The following MAN1C1 variants were observed in gnomAD, a reference collection of about 807,000 sequenced individuals.
MAN1C1 encodes the protein mannosidase alpha class 1C member 1.
In MAN1C1, 49 loss-of-function variants were observed where a neutral mutation model predicts 71.5. The observed-to-expected ratio is 0.69, with a 90% CI of 0.54 to 0.87. The LOEUF is 0.87. MAN1C1 is among the 40% of genes least tolerant of loss of function. The probability of loss-of-function intolerance (pLI) is 0.00; values close to 1 mark genes in which losing one functional copy is unlikely to be tolerated. For synonymous variants in MAN1C1, 352 were observed against 343.7 expected (o/e 1.02, Z -0.27); for missense variants, 743 against 835.0 (o/e 0.89, Z 1.36).
chr1:25,767,170 C>G (rs1341655308), intron 7 of MAN1C1, among the ~76,000 whole-genome samples: 1 of 139,736 alleles, frequency 7.2e-6, no homozygotes, highest in African/African-American at 3.2e-5. Context: ...ACACACACCC[C>G]TACCACCCCA....
rs753683323 is a variant in MAN1C1, at chr1:25,617,805, T to C, written c.8T>C (p.Met3Thr). 2 of 1,598,992 alleles carry C rather than the reference T, an allele frequency of 1.3e-6. No individual in the cohort carries two copies. ...GCCACCGGCCGGGCCACGATGCTCA[T>C]GAGGAAAGTGCCCGGCTTCGTCCCG... Reference protein sequence around the residue: MLMRKVPGFVPAS... With the variant: MLTRKVPGFVPAS... Residue 3 changes from methionine (M) to threonine (T), a missense_variant, in exon 1 of 12, where the codon ATG becomes ACG. By Grantham distance (81) the Met-to-Thr change is moderately conservative (BLOSUM62 -1). Transcript: ENST00000374332. This position sits in a 1 kb window ranked among gnomAD's most constrained non-coding sequence, Gnocchi z 5.1.
intron 2 of MAN1C1, among the ~76,000 whole-genome samples, chr1:25,721,977 G>A (rs2046771790): frequency 6.6e-6 from 1 of 152,154 alleles, no homozygotes; most frequent in Admixed American, 6.5e-5. Context: ...GTGTGCATAG[G>A]GGAGGGGTAA....
chr1:25,713,244 G>A (rs2124253943), intron 2 of MAN1C1, among the ~76,000 whole-genome samples: 1 of 152,180 alleles, frequency 6.6e-6, no homozygotes, highest in South Asian at 2.1e-4. Context: ...ATGAGGTGGG[G>A]GTGGGGAACA....
chr1:25,742,029 G>A (rs2047069300), intron 2 of MAN1C1, among the ~76,000 whole-genome samples: 1 of 152,164 alleles, frequency 6.6e-6, no homozygotes, highest in Non-Finnish European at 1.5e-5. Context: ...CACAGTGCAG[G>A]GAGGTAGTGG....
intron 2 of MAN1C1, among the ~76,000 whole-genome samples, chr1:25,704,419 G>A (rs774970417): frequency 2.6e-5 from 4 of 152,342 alleles, no homozygotes; most frequent in Non-Finnish European, 5.9e-5. Context: ...ATCCCAGACA[G>A]CAGGACCATG....
intron 2 of MAN1C1, among the ~76,000 whole-genome samples, chr1:25,715,620 C>T (rs1266570606): frequency 6.6e-6 from 1 of 152,318 alleles, no homozygotes; most frequent in East Asian, 1.9e-4. Context: ...CATGGTCTTT[C>T]AGCTGACTAG....
intron 1 of MAN1C1, among the ~76,000 whole-genome samples, chr1:25,623,346 T>C (rs1045857912): frequency 3.9e-5 from 6 of 152,186 alleles, no homozygotes; most frequent in Non-Finnish European, 8.8e-5. Context: ...GAGCAATTGC[T>C]TCTTAGGCCC....
At chr1:25,687,271 CTT>C (rs2046245742) in intron 2 of MAN1C1, among the ~76,000 whole-genome samples, 1 of 152,194 alleles carries the variant, frequency 6.6e-6, no homozygotes, top group Admixed American at 6.5e-5. Context: ...TTGCTGGTGT[CTT>C]TGTCCTCCTC....
intron 1 of MAN1C1, among the ~76,000 whole-genome samples, chr1:25,673,692 G>A (rs1168441843): frequency 3.9e-5 from 6 of 152,144 alleles, no homozygotes; most frequent in African/African-American, 1.4e-4. Context: ...CTCCTCCCCA[G>A]GAGCACGTCA....
At chr1:25,717,833 G>A (rs548065058) in intron 2 of MAN1C1, among the ~76,000 whole-genome samples, 3 of 152,166 alleles carry the variant, frequency 2.0e-5, no homozygotes, top group African/African-American at 7.2e-5. Context: ...CAAAGTGCTG[G>A]GATTACAGGC....
At chr1:25,638,705 T>C (rs138486193) in intron 1 of MAN1C1, among the ~76,000 whole-genome samples, 2 of 152,274 alleles carry the variant, frequency 1.3e-5, no homozygotes, top group East Asian at 1.9e-4. Context: ...TGTCATTCCA[T>C]TGTCTTGTAG....
intron 7 of MAN1C1, among the ~76,000 whole-genome samples, chr1:25,766,167 C>A (rs1233103922): frequency 6.6e-6 from 1 of 152,178 alleles, no homozygotes; most frequent in Non-Finnish European, 1.5e-5. Flanking sequence ...AGAGTCAGGG[C>A]CTGCAGGTCT....
chr1:25,751,057 T>G (rs1241594010), intron 4 of MAN1C1, among the ~76,000 whole-genome samples: 1 of 151,240 alleles, frequency 6.6e-6, no homozygotes, highest in African/African-American at 2.4e-5. Flanking sequence ...CTTCTATCCA[T>G]CTTTCCACCC....
chr1:25,706,575 G>A (rs1253534167), intron 2 of MAN1C1, among the ~76,000 whole-genome samples: 1 of 152,216 alleles, frequency 6.6e-6, no homozygotes, highest in Non-Finnish European at 1.5e-5. Context: ...GCGCAGGGCA[G>A]CCTGGGAGTC....
chr1:25,731,323 A>AATC (rs1217837815), intron 2 of MAN1C1, among the ~76,000 whole-genome samples: 1 of 147,108 alleles, frequency 6.8e-6, no homozygotes, highest in Non-Finnish European at 1.5e-5. Context: ...AAATAACAAT[A>AATC]ATCATCATCA....
In MAN1C1 at chr1:25,784,358, G is replaced by C. The variant is rs1025341877; in HGVS notation, c.*569G>C. The C allele has an allele frequency of 1.3e-5, 2 of 151,992 alleles. No homozygotes were observed. The highest frequency in any genetic ancestry group is 4.8e-5 in the African/African-American group (2 of 41,340). 9.4% of individuals were successfully genotyped at this position (151,992 alleles called of 1,614,324 possible). ...TAATTTGAGGAGGGGTTTCCCTTTG[G>C]GCCTCAGTGTTACAAATTACTAGTG... On this transcript the variant is annotated 3_prime_UTR_variant, in exon 12 of 12. Transcript: ENST00000374332.
intron 1 of MAN1C1, among the ~76,000 whole-genome samples, chr1:25,629,156 T>G (rs2045343366): frequency 6.6e-6 from 1 of 152,232 alleles, no homozygotes; most frequent in Non-Finnish European, 1.5e-5. Context: ...TTATAGTTCT[T>G]AAAGGAATCT....
At chr1:25,720,748 AC>A (rs1407341560) in intron 2 of MAN1C1, among the ~76,000 whole-genome samples, 1 of 152,164 alleles carries the variant, frequency 6.6e-6, no homozygotes, top group Admixed American at 6.5e-5. Flanking sequence ...CCATTGCCTT[AC>A]CCAAGGTCAT....
At position 25,661,396 on chromosome 1, in the gene MAN1C1, A is replaced by T. The variant is rs907622640; in HGVS notation, c.541-25044A>T. On this transcript the variant is annotated intron_variant, in intron 1 of 11. Transcript: ENST00000374332. ...CAAAATACAAATTCTGTTCTAGTGG[A>T]GTTAGAGGAACAATAAGCAAAATAA... Among the ~76,000 whole-genome samples, 111 of 152,254 alleles carry T rather than the reference A, an allele frequency of 7.3e-4. 9 individuals carry two copies. Among genetic ancestry groups the T allele is most frequent in the Non-Finnish European group, 1.0e-4 (7 of 68,044 alleles).
Sources: gnomAD v4.1 joint callset for allele counts (sites outside exome capture counted in the v4.1 genomes callset) on GRCh38, gnomAD v4.1.1 for gene constraint, Gnocchi (gnomAD v3.1) non-coding constraint, MANE v1.5 for transcripts, NCBI Gene and HGNC (gene_info 2026-07-23, HGNC 2026-07-21) for gene names.